SYNE1: variants seen among roughly 807,000 people sequenced by gnomAD.
The protein encoded by SYNE1 is spectrin repeat containing nuclear envelope protein 1.
In SYNE1, 616 loss-of-function variants were observed where a neutral mutation model predicts 1,111.0. That is an observed-to-expected ratio of 0.55 (90% confidence interval 0.52 to 0.59). The LOEUF is 0.59. Among genes scored for constraint, SYNE1 ranks in the 20% least tolerant of loss-of-function variants. The pLI, the probability that SYNE1 is intolerant of heterozygous loss-of-function variation, is 0.00. For missense variants in SYNE1, 10,006 were observed against 10,417.0 expected (o/e 0.96, Z 1.72); for synonymous variants, 3,855 against 3,825.8 (o/e 1.01, Z -0.28).
At chr6:152,418,516 C>T (rs920790788) in intron 40 of SYNE1, among the ~76,000 whole-genome samples, 2 of 152,156 alleles carry the variant, frequency 1.3e-5, no homozygotes, top group Admixed American at 1.3e-4. Context: ...TGTAGCTTAT[C>T]TCCATTATTT....
rs2051619497 is a variant in SYNE1 at position 152,122,461 on chromosome 6, T to G, written c.26369A>C (p.Tyr8790Ser). The G allele has an allele frequency of 6.2e-7, 1 of 1,614,032 alleles. No homozygotes were observed. The highest frequency in any genetic ancestry group is 1.3e-5 in the African/African-American group (1 of 74,918). The change falls in exon 146 of 146, where the codon TAC (tyrosine) becomes TCC (serine). Residue 8790 changes from tyrosine to serine, a missense_variant. Around this residue, in one of 7 missense-constraint regions of SYNE1, gnomAD observed 761 missense variants for 795.5 expected, o/e 0.96. Transcript: ENST00000367255. ...TCAGAGTGGAGGAGGGCCATTCGTGTATCTGAGCATGGGGTGGAATGACCG... is the reference window on the plus strand; with the variant it reads ...TCAGAGTGGAGGAGGGCCATTCGTGGATCTGAGCATGGGGTGGAATGACCG... ...FARSFHPMLRYTNGPPPL is the reference protein window; with the variant it reads ...FARSFHPMLRSTNGPPPL
intron 117 of SYNE1, among the ~76,000 whole-genome samples, chr6:152,223,542 C>T (rs112045273): frequency 1.3e-5 from 2 of 151,250 alleles, no homozygotes; most frequent in African/African-American, 4.9e-5. Context: ...TGCTTAAACC[C>T]GGGAGGCGGA....
chr6:152,303,418 A>T, intron 91 of SYNE1, among the ~76,000 whole-genome samples: 1 of 151,450 alleles, frequency 6.6e-6, no homozygotes, highest in Non-Finnish European at 1.5e-5. Flanking sequence ...AAAAAAAAAG[A>T]ACACATTTTG....
At chr6:152,246,363 A>G (rs2087147536) in intron 105 of SYNE1, among the ~76,000 whole-genome samples, 2 of 152,136 alleles carry the variant, frequency 1.3e-5, no homozygotes, top group African/African-American at 2.4e-5. Flanking sequence ...CCATTAATAT[A>G]CCCAGAAAGA....
rs2154294584 is a variant in SYNE1 at position 152,483,119 on chromosome 6, G to A, written c.1316C>T (p.Ala439Val). ...ITVQQVHEETANTIQRKLEQH... is the reference protein window; with the variant it reads ...ITVQQVHEETVNTIQRKLEQH... The stretch of plus-strand genomic sequence containing the variant: ...CTCAAGTTTCCGTTGTATCGTGTTT[G>A]CTGTTTCCTCGTGGACCTGTTGAAC... The change falls in exon 14 of 146, where the codon GCA (alanine) becomes GTA (valine). Residue 439 changes from alanine (A) to valine (V), a missense_variant. Coordinates refer to ENST00000367255, the MANE Select transcript of SYNE1 (RefSeq NM_182961.4). 1.9e-6 allele frequency: 3 copies of A among 1,614,200 alleles called. No individual in the cohort carries two copies. Among genetic ancestry groups the A allele is most frequent in the Middle Eastern group, 3.3e-4 (2 of 6,060 alleles).
At chr6:152,395,715 T>TA in intron 50 of SYNE1, 44 bp from the exon 51 acceptor site, 1 of 1,604,496 alleles carries the variant, frequency 6.2e-7, no homozygotes, top group East Asian at 2.2e-5. Context: ...ACATGCTTGT[T>TA]ATGATAAATT....
chr6:152,163,133 A>G (rs1370061284), intron 131 of SYNE1, among the ~76,000 whole-genome samples: 1 of 152,218 alleles, frequency 6.6e-6, no homozygotes, highest in Non-Finnish European at 1.5e-5. Flanking sequence ...AAATGCATGG[A>G]GTAACAATAC....
At chr6:152,568,220 A>T (rs2099423933) in intron 3 of SYNE1, among the ~76,000 whole-genome samples, 1 of 151,858 alleles carries the variant, frequency 6.6e-6, no homozygotes, top group Non-Finnish European at 1.5e-5. Flanking sequence ...TATTATAAAC[A>T]TAAAGGCAAA....
chr6:152,151,928 C>T (rs763753975), intron 134 of SYNE1, 31 bp downstream of exon 134: 2 of 1,612,740 alleles, frequency 1.2e-6, no homozygotes, highest in Admixed American at 1.7e-5. Flanking sequence ...ATCCTCTGGC[C>T]TCTAAATTAC....
At chr6:152,299,931 A>G (rs999185834) in intron 93 of SYNE1, among the ~76,000 whole-genome samples, 1 of 152,180 alleles carries the variant, frequency 6.6e-6, no homozygotes, top group Non-Finnish European at 1.5e-5. Context: ...ACATGCATTA[A>G]AAGTCTTTGG....
intron 53 of SYNE1, 144 bp downstream of exon 53, chr6:152,390,136 A>C: frequency 2.3e-6 from 2 of 855,198 alleles, no homozygotes; most frequent in Non-Finnish European, 3.8e-6. Context: ...CCCTATGGAA[A>C]ACACAACTTA....
In SYNE1 at chr6:152,268,794, C is replaced by G. The variant is rs1483466713; in HGVS notation, c.18705+361G>C. Among the ~76,000 whole-genome samples, 3 of 151,940 alleles carry G rather than the reference C, an allele frequency of 2.0e-5. No individual in the cohort carries two copies. The South Asian group carries it at 6.2e-4, about 32-fold the overall frequency. ...TTCATTAAAAAAAATAACAAACATGCAACTTACACTTTCACCAAACCTCAA... is the reference window on the plus strand; with the variant it reads ...TTCATTAAAAAAAATAACAAACATGGAACTTACACTTTCACCAAACCTCAA... On this transcript the variant is annotated intron_variant, in intron 99 of 145. Transcript: ENST00000367255.
Position 152,148,497 on chromosome 6 carries a change from C to A in SYNE1, c.24643-119G>T. On this transcript the variant is annotated intron_variant, in intron 136 of 145. Coordinates refer to ENST00000367255, the MANE Select transcript of SYNE1 (RefSeq NM_182961.4). The surrounding 1 kb of genome is among the most constrained non-coding windows in gnomAD (Gnocchi z 4.1). ...TTCTTATGAGCAAATAAATAAGAAT[C>A]TTCTGATCACAGAAATACAGGGGAC... The A allele has an allele frequency of 1.2e-6, 1 of 863,968 alleles. No homozygotes were observed. Among genetic ancestry groups the A allele is most frequent in the South Asian group, 1.5e-5 (1 of 67,398 alleles). 53.5% of individuals were successfully genotyped at this position (863,968 alleles called of 1,614,324 possible). A position where few individuals can be genotyped will look rare whatever the true frequency, so the allele number is the denominator to read the frequency against.
intron 5 of SYNE1, among the ~76,000 whole-genome samples, chr6:152,525,606 A>G (rs889675932): frequency 1.3e-5 from 2 of 152,174 alleles, no homozygotes; most frequent in South Asian, 2.1e-4. Context: ...TCTTGCTACA[A>G]ATGATGGATG....
intron 63 of SYNE1, among the ~76,000 whole-genome samples, chr6:152,363,382 T>C (rs2096978200): frequency 6.7e-6 from 1 of 150,024 alleles, no homozygotes; most frequent in Non-Finnish European, 1.5e-5. Flanking sequence ...TAGTACCAGC[T>C]ACTCGAGAGG....
At chr6:152,390,197 C>T in intron 53 of SYNE1, 83 bp downstream of exon 53, 1 of 1,494,250 alleles carries the variant, frequency 6.7e-7, no homozygotes, top group Non-Finnish European at 9.3e-7. Context: ...GGGAATTCCA[C>T]CCCAGGAGAC....
rs1365556766 is a variant in SYNE1 at position 152,453,268 on chromosome 6, T to C, written c.3027+318A>G. 6 of 572,950 alleles carry C rather than the reference T, an allele frequency of 1.0e-5. No individual in the cohort carries two copies. In the East Asian group the frequency reaches 1.8e-4, roughly 17 times the overall value. The allele number at this position is 572,950 out of a possible 1,614,324, so 35.5% of individuals were successfully genotyped here. ...CAGTAGGTATACCTAGCAAGATTTA[T>C]TCAGCAGAGAGAAGCTTATGAAATG... On this transcript the variant is annotated intron_variant, in intron 25 of 145. Transcript: ENST00000367255.
chr6:152,390,376 C>T lies in SYNE1; in HGVS notation c.8081G>A (p.Ser2694Asn), dbSNP rs1241632741. 2.5e-6 allele frequency: 4 copies of T among 1,614,040 alleles called. No homozygotes were observed. Among genetic ancestry groups the T allele is most frequent in the African/African-American group, 2.7e-5 (2 of 74,920 alleles). ...AIGKGEQALR[S>N]SNKEGQRVIQ... is the part of the protein sequence containing the mutation. ...CACCCTCTGACCTTCTTTGTTGCTA[C>T]TTCTCAAGGCCTGTTCCCCCTTGCC... The change falls in exon 53 of 146, where the codon AGT becomes AAT. Residue 2694 changes from serine (S) to asparagine (N), a missense_variant. By Grantham distance (46) the Ser-to-Asn change is conservative (BLOSUM62 1). Coordinates refer to ENST00000367255, the MANE Select transcript of SYNE1 (RefSeq NM_182961.4).
intron 33 of SYNE1, chr6:152,434,922 A>C (rs941217798): frequency 2.6e-5 from 4 of 152,174 alleles, no homozygotes; most frequent in African/African-American, 4.8e-5. Flanking sequence ...AGGTAATGCA[A>C]GCTGTGTTAT....
Sources: allele counts gnomAD v4.1 joint callset (sites outside exome capture counted in the v4.1 genomes callset), GRCh38; gene constraint gnomAD v4.1.1; regional missense constraint gnomAD v4.1.1; non-coding constraint Gnocchi (gnomAD v3.1); transcripts MANE v1.5; gene names NCBI Gene and HGNC (gene_info 2026-07-23, HGNC 2026-07-21).